CCR6: variants seen among roughly 807,000 people sequenced by gnomAD.
CCR6 encodes C-C chemokine receptor type 6.
Under a neutral mutation model 3.0 loss-of-function variants are expected in CCR6, and 2 were observed. The ratio of observed to expected loss-of-function variants is 0.66; its 90% CI spans 0.27 to 2.07. The LOEUF (loss-of-function observed/expected upper bound fraction) is 2.07, where lower values mean the gene tolerates loss of function less well. CCR6 is among the 30% of genes most tolerant of loss of function. The pLI is 0.14. For synonymous variants in CCR6, 193 were observed against 184.3 expected, an observed-to-expected ratio of 1.05 and a Z score of -0.38; for missense variants, 322 against 462.8, an observed-to-expected ratio of 0.70 and a Z score of 2.79.
upstream of CCR6, among the ~76,000 whole-genome samples, chr6:167,122,340 G>C (rs1196756087): frequency 6.6e-6 from 1 of 152,234 alleles, no homozygotes; most frequent in African/African-American, 2.4e-5. This position sits in a 1 kb window ranked among gnomAD's most constrained non-coding sequence, Gnocchi z 4.2. Flanking sequence ...TATTTTTTAA[G>C]CACTTGCATC....
At chr6:167,121,831 G>A (rs1781591923), upstream of CCR6, among the ~76,000 whole-genome samples, 1 of 152,208 alleles carries the variant, frequency 6.6e-6, no homozygotes, top group African/African-American at 2.4e-5. Context: ...AATGATGGCA[G>A]CAAGAGGACC....
Position 167,137,489 on chromosome 6 carries a change from T to A in CCR6, c.*134T>A. The A allele has an allele frequency of 1.2e-6, 1 of 812,136 alleles. No homozygotes were observed. Among genetic ancestry groups the A allele is most frequent in the Non-Finnish European group, 1.9e-6 (1 of 527,584 alleles). The allele number at this position is 812,136 out of a possible 1,614,324, so 50.3% of individuals were successfully genotyped here. A position where few individuals can be genotyped will look rare whatever the true frequency, so the allele number is the denominator to read the frequency against. On this transcript the variant is annotated 3_prime_UTR_variant, in exon 3 of 3. Transcript: ENST00000341935. The surrounding 1 kb of genome is among the most constrained non-coding windows in gnomAD (Gnocchi z 4.6). ...AAGCAAGCCTCTCTCCTGCGGGACTTAACGTGCTCATGGGCTGTGTGATCT... is the reference window on the plus strand; with the variant it reads ...AAGCAAGCCTCTCTCCTGCGGGACTAAACGTGCTCATGGGCTGTGTGATCT...
At chr6:167,135,011 C>A (rs1781828571) in intron 1 of CCR6, 2 of 152,448 alleles carry the variant, frequency 1.3e-5, no homozygotes, top group South Asian at 4.1e-4. Context: ...CGGTCTCCTG[C>A]TAAACTTCTT....
At chr6:167,134,695 G>A (rs1157998216) in intron 1 of CCR6, among the ~76,000 whole-genome samples, 1 of 152,210 alleles carries the variant, frequency 6.6e-6, no homozygotes, top group Non-Finnish European at 1.5e-5. Context: ...TGCACCTGGG[G>A]CTGCACTTCC....
At chr6:167,124,693 G>T (rs2114920060) in intron 1 of CCR6, among the ~76,000 whole-genome samples, 1 of 152,244 alleles carries the variant, frequency 6.6e-6, no homozygotes, top group Non-Finnish European at 1.5e-5. Flanking sequence ...AAATGGGTAT[G>T]ATGTCTACCT....
At chr6:167,128,247 C>G (rs557501556) in intron 1 of CCR6, among the ~76,000 whole-genome samples, 9 of 152,378 alleles carry the variant, frequency 5.9e-5, no homozygotes, top group African/African-American at 1.9e-4. Flanking sequence ...GGTTCTGGTG[C>G]CTGTGTCAGG....
chr6:167,113,598 G>A (rs1414806325), intron 1 of CCR6, among the ~76,000 whole-genome samples: 3 of 152,210 alleles, frequency 2.0e-5, no homozygotes, highest in Non-Finnish European at 2.9e-5. Flanking sequence ...GGCCCAGGCA[G>A]GGTTGGACGA....
In CCR6 at chr6:167,137,185, A is replaced by G; in HGVS notation, c.955A>G (p.Ile319Val). 6.2e-7 allele frequency: 1 copy of G among 1,614,178 alleles called. No homozygotes were observed. Among genetic ancestry groups the G allele is most frequent in the Non-Finnish European group, 8.5e-7 (1 of 1,180,026 alleles). Residue 319 changes from isoleucine to valine, a missense_variant, in exon 3 of 3, where the codon ATT (isoleucine) becomes GTT (valine). By Grantham distance (29) the Ile-to-Val change is conservative. Coordinates refer to ENST00000341935, the MANE Select transcript of CCR6 (RefSeq NM_031409.4). This position sits in a 1 kb window ranked among gnomAD's most constrained non-coding sequence, Gnocchi z 4.6. ...CCTGAACCCTGTGCTCTACGCTTTT[A>G]TTGGGCAGAAGTTCAGAAACTACTT... The part of the protein sequence containing the change: ...CCLNPVLYAF[I>V]GQKFRNYFLK...
At chr6:167,132,527 C>CTGTGTGTGTGTGTGTA (rs1781784781) in intron 1 of CCR6, among the ~76,000 whole-genome samples, 1 of 150,778 alleles carries the variant, frequency 6.6e-6, no homozygotes, top group Admixed American at 6.6e-5. Flanking sequence ...GTGTGTGTGT[C>CTGTGTGTGTGTGTGTA]TGTGTGTGTG....
chr6:167,121,950 C>A (rs1246705381), upstream of CCR6, among the ~76,000 whole-genome samples: 1 of 152,158 alleles, frequency 6.6e-6, no homozygotes, highest in Non-Finnish European at 1.5e-5. Flanking sequence ...CTGGACAAAC[C>A]CGGGAAAATG....
rs754544366 is a variant in CCR6 at position 167,136,142 on chromosome 6, G to A, written c.8G>A (p.Gly3Glu). 6.2e-7 allele frequency: 1 copy of A among 1,613,934 alleles called. No homozygotes were observed. Among genetic ancestry groups the A allele is most frequent in the Non-Finnish European group, 8.5e-7 (1 of 1,179,990 alleles). The change falls in exon 2 of 3, where the codon GGG becomes GAG. Residue 3 changes from glycine to glutamate, a missense_variant and splice_region_variant. Coordinates refer to ENST00000341935, the MANE Select transcript of CCR6 (RefSeq NM_031409.4). The surrounding 1 kb of genome is among the most constrained non-coding windows in gnomAD (Gnocchi z 4.6). MS[G>E]ESMNFSDVFD... ...GCATTTTTTCTGCCCACAATGAGCGGGGTAAGATTTTTATTTTTGGCAAGG... is the reference window on the plus strand; with the variant it reads ...GCATTTTTTCTGCCCACAATGAGCGAGGTAAGATTTTTATTTTTGGCAAGG...
chr6:167,113,392 G>T (rs1781443618), intron 1 of CCR6, among the ~76,000 whole-genome samples: 1 of 152,224 alleles, frequency 6.6e-6, no homozygotes, highest in African/African-American at 2.4e-5. Flanking sequence ...ATGAGGAATG[G>T]CAGACAGCCA....
At position 167,137,409 on chromosome 6, in the gene CCR6, C is replaced by T; in HGVS notation, c.*54C>T. 1 of 1,503,602 alleles carries T rather than the reference C, an allele frequency of 6.7e-7. No individual in the cohort carries two copies. The highest frequency in any genetic ancestry group is 8.9e-7 in the Non-Finnish European group (1 of 1,120,556). The allele number at this position is 1,503,602 out of a possible 1,614,324, so 93.1% of individuals were successfully genotyped here. ...GTGAAACATACTCATAGATGTTATG[C>T]AAAAAAAAGTCTATGGCCAGGTATG... On this transcript the variant is annotated 3_prime_UTR_variant, in exon 3 of 3. Transcript: ENST00000341935. This position sits in a 1 kb window ranked among gnomAD's most constrained non-coding sequence, Gnocchi z 4.6.
intron 1 of CCR6, among the ~76,000 whole-genome samples, chr6:167,128,093 G>C (rs1781698203): frequency 6.6e-6 from 1 of 152,206 alleles, no homozygotes; most frequent in African/African-American, 2.4e-5. Flanking sequence ...CCAGGGAGAA[G>C]GACTCTTCAC....
chr6:167,124,279 A>AC (rs1781634163), intron 1 of CCR6, among the ~76,000 whole-genome samples: 1 of 151,396 alleles, frequency 6.6e-6, no homozygotes, highest in Non-Finnish European at 1.5e-5. Context: ...AAAAAAAAAA[A>AC]CCAACCCACA....
intron 1 of CCR6, among the ~76,000 whole-genome samples, chr6:167,130,979 CTCCCTCTGGA>C (rs1781750322): frequency 3.5e-5 from 2 of 56,878 alleles, no homozygotes; most frequent in Non-Finnish European, 3.5e-5. Context: ...TGGGACCACC[CTCCCTCTGGA>C]CCCCCTCCCT....
At chr6:167,112,885 G>C (rs112122027) in intron 1 of CCR6, among the ~76,000 whole-genome samples, 33 of 152,180 alleles carry the variant, frequency 2.2e-4, no homozygotes, top group Non-Finnish European at 4.3e-4. Flanking sequence ...TCTTGATGCT[G>C]CAATGCATCA....
upstream of CCR6, among the ~76,000 whole-genome samples, chr6:167,119,639 C>T (rs1298051240): frequency 1.3e-5 from 2 of 152,234 alleles, no homozygotes; most frequent in East Asian, 3.8e-4. Context: ...GAAGGATACA[C>T]CATTTGACAT....
At chr6:167,122,546 C>T (rs1393133846), upstream of CCR6, among the ~76,000 whole-genome samples, 1 of 152,182 alleles carries the variant, frequency 6.6e-6, no homozygotes, top group Non-Finnish European at 1.5e-5. The surrounding 1 kb of genome is among the most constrained non-coding windows in gnomAD (Gnocchi z 4.2). Flanking sequence ...GGAGAACCAC[C>T]TCTCCTTCAG....
Sources: gnomAD v4.1 joint callset for allele counts (sites outside exome capture counted in the v4.1 genomes callset) on GRCh38, gnomAD v4.1.1 for gene constraint, Gnocchi (gnomAD v3.1) non-coding constraint, MANE v1.5 for transcripts, NCBI Gene and HGNC (gene_info 2026-07-23, HGNC 2026-07-21) for gene names.